SHANK2: variants seen among roughly 807,000 people sequenced by gnomAD.
SHANK2 encodes the protein SH3 and multiple ankyrin repeat domains 2, also known as SH3 and multiple ankyrin repeat domains protein 2.
SHANK2 carries 43 observed loss-of-function variants against 133.7 expected under a neutral mutation model. The observed-to-expected ratio is 0.32, with a 90% CI of 0.25 to 0.41. The LOEUF (loss-of-function observed/expected upper bound fraction) is 0.41, where lower values mean the gene tolerates loss of function less well. Ranked by LOEUF, SHANK2 falls within the 10% of genes least tolerant of loss-of-function variation. SHANK2 has a pLI of 1.00. For synonymous variants in SHANK2, 1,017 were observed against 952.8 expected, an observed-to-expected ratio of 1.07 and a Z score of -1.24; for missense variants, 1,994 against 2,235.8, an observed-to-expected ratio of 0.89 and a Z score of 2.18.
chr11:71,079,263 A>G (rs902141020), intron 8 of SHANK2, among the ~76,000 whole-genome samples: 1 of 152,138 alleles, frequency 6.6e-6, no homozygotes. Flanking sequence ...CAGCCATAGG[A>G]ATTAAGGGAA....
intron 14 of SHANK2, among the ~76,000 whole-genome samples, chr11:70,784,478 T>G (rs1947603474): frequency 1.4e-5 from 2 of 147,762 alleles, no homozygotes; most frequent in Admixed American, 1.4e-4. Context: ...TGCCTCAGCC[T>G]CTCGAGTAGC....
intron 17 of SHANK2, among the ~76,000 whole-genome samples, chr11:70,510,426 C>T (rs2059189778): frequency 6.6e-6 from 1 of 152,206 alleles, no homozygotes. Flanking sequence ...AGCTTTTGCC[C>T]TTCCCCACCC....
intron 17 of SHANK2, chr11:70,604,760 T>C (rs55818720): frequency 0.49 from 74,130 of 152,272 alleles, 18,324 homozygotes; most frequent in East Asian, 0.66. Flanking sequence ...AGTCTCACAA[T>C]GGCCCCTGAA....
At position 71,099,408 on chromosome 11, in the gene SHANK2, A is replaced by T. The variant is rs74596929; in HGVS notation, c.593-4720T>A. 2.0e-3 allele frequency among the ~76,000 whole-genome samples: 300 copies of T among 152,346 alleles called. 2 individuals are homozygous for T. Among genetic ancestry groups the T allele is most frequent in the African/African-American group, 6.8e-3 (282 of 41,574 alleles). Reference sequence around the variant, plus strand: ...ATGCTGATAAGGGGGGAAGCTGGGTATAGGATATATGGTAACTCTGTGTAC... The same window carrying T: ...ATGCTGATAAGGGGGGAAGCTGGGTTTAGGATATATGGTAACTCTGTGTAC... On this transcript the variant is annotated intron_variant, in intron 6 of 25. Coordinates refer to ENST00000601538, the MANE Select transcript of SHANK2 (RefSeq NM_012309.5).
chr11:71,164,398 G>A lies in SHANK2; in HGVS notation c.-12-17060C>T, dbSNP rs35443711. Among the ~76,000 whole-genome samples, 1,320 of 152,232 alleles carry A rather than the reference G, an allele frequency of 8.7e-3. 10 individuals are homozygous for A. Among genetic ancestry groups the A allele is most frequent in the Middle Eastern group, 0.041 (12 of 294 alleles). On this transcript the variant is annotated intron_variant, in intron 2 of 25. Coordinates refer to ENST00000601538, the MANE Select transcript of SHANK2 (RefSeq NM_012309.5). ...CTGCAGAGAAGACAGAAGCATGACC[G>A]GGTTCTATTCCAGCTCCAGACCCAA...
intron 2 of SHANK2, among the ~76,000 whole-genome samples, chr11:71,181,157 C>T (rs1555113709): frequency 6.6e-6 from 1 of 152,024 alleles, no homozygotes; most frequent in Non-Finnish European, 1.5e-5. Context: ...CACAGAAGTG[C>T]AAGAAGGCCC....
chr11:71,215,574 C>T (rs1052555486), intron 2 of SHANK2, among the ~76,000 whole-genome samples: 3 of 152,214 alleles, frequency 2.0e-5, no homozygotes, highest in Admixed American at 1.3e-4. Flanking sequence ...CTTTCCCAGG[C>T]AGGCACCTGC....
At chr11:70,503,837 T>C (rs1322674819) in intron 17 of SHANK2, among the ~76,000 whole-genome samples, 2 of 152,130 alleles carry the variant, frequency 1.3e-5, no homozygotes, top group Non-Finnish European at 2.9e-5. Context: ...AAAACCCGAG[T>C]GATGGAGACT....
intron 3 of SHANK2, among the ~76,000 whole-genome samples, chr11:71,122,649 T>A (rs111521847): frequency 0.015 from 2,311 of 151,956 alleles, 56 homozygotes; most frequent in African/African-American, 0.052. Flanking sequence ...AGTATAATTT[T>A]AAAAAAAAGT....
At chr11:70,578,828 T>C (rs781760859) in intron 17 of SHANK2, among the ~76,000 whole-genome samples, 8 of 152,308 alleles carry the variant, frequency 5.3e-5, no homozygotes, top group Middle Eastern at 3.4e-3. Flanking sequence ...ATGTTACTTA[T>C]TCATGATGGT....
chr11:70,862,645 A>G, intron 11 of SHANK2: 1 of 298,642 alleles, frequency 3.3e-6, no homozygotes, highest in South Asian at 2.7e-5. Context: ...TGGCTGATGG[A>G]CTGGACTGGC....
intron 14 of SHANK2, among the ~76,000 whole-genome samples, chr11:70,742,589 C>A (rs1051994919): frequency 6.6e-6 from 1 of 152,206 alleles, no homozygotes; most frequent in African/African-American, 2.4e-5. Context: ...ACGCCACCCC[C>A]CACCCGGCTC....
chr11:71,128,178 C>T (rs782575280), intron 3 of SHANK2, among the ~76,000 whole-genome samples: 1 of 152,224 alleles, frequency 6.6e-6, no homozygotes, highest in Non-Finnish European at 1.5e-5. Flanking sequence ...CTTGCATTTC[C>T]TGTCTCCCAG....
chr11:71,175,545 G>A lies in SHANK2; in HGVS notation c.-12-28207C>T, dbSNP rs868957689. Among the ~76,000 whole-genome samples the A allele has an allele frequency of 8.1e-4, 64 of 79,344 alleles. No individual in the cohort carries two copies. The highest frequency in any genetic ancestry group is 2.6e-3 in the African/African-American group (58 of 22,582). 52.1% of individuals were successfully genotyped at this position (79,344 alleles called of 152,430 possible). A position where few individuals can be genotyped will look rare whatever the true frequency, so the allele number is the denominator to read the frequency against. On this transcript the variant is annotated intron_variant, in intron 2 of 25. Transcript: ENST00000601538. This position sits in a 1 kb window ranked among gnomAD's most constrained non-coding sequence, Gnocchi z 4.2. ...GACAGACAGACAGACAGAGGGAGAGGGAGAGGGAGAGAGAGAGAGAGAGAG... is the reference window on the plus strand; with the variant it reads ...GACAGACAGACAGACAGAGGGAGAGAGAGAGGGAGAGAGAGAGAGAGAGAG...
intron 14 of SHANK2, among the ~76,000 whole-genome samples, chr11:70,789,299 A>G (rs1400054665): frequency 6.6e-6 from 1 of 152,176 alleles, no homozygotes; most frequent in African/African-American, 2.4e-5. Context: ...AAAAGTAGAA[A>G]AGACACACTG....
chr11:70,909,549 C>A (rs1205663599), intron 10 of SHANK2, among the ~76,000 whole-genome samples: 3 of 152,136 alleles, frequency 2.0e-5, no homozygotes, highest in African/African-American at 7.2e-5. Flanking sequence ...GTAGAGCTGT[C>A]GTGATCCTTG....
intron 10 of SHANK2, among the ~76,000 whole-genome samples, chr11:70,917,899 A>G (rs936600003): frequency 1.2e-4 from 18 of 152,142 alleles, no homozygotes. Flanking sequence ...AAGAACAACT[A>G]ATGGGCACTA....
intron 17 of SHANK2, among the ~76,000 whole-genome samples, chr11:70,541,681 AAC>A (rs782558869): frequency 8.5e-5 from 13 of 152,240 alleles, no homozygotes; most frequent in Non-Finnish European, 1.6e-4. Flanking sequence ...CCCCCCACAA[AAC>A]ACATTCAGCC....
chr11:70,595,250 C>G (rs1427913757), intron 17 of SHANK2, among the ~76,000 whole-genome samples: 6 of 152,184 alleles, frequency 3.9e-5, no homozygotes, highest in Non-Finnish European at 8.8e-5. Flanking sequence ...AGGGTGCAGC[C>G]CGGCCGTCCA....
Sources: allele counts gnomAD v4.1 joint callset (sites outside exome capture counted in the v4.1 genomes callset), GRCh38; gene constraint gnomAD v4.1.1; non-coding constraint Gnocchi (gnomAD v3.1); transcripts MANE v1.5; gene names NCBI Gene and HGNC (gene_info 2026-07-23, HGNC 2026-07-21).